Variants in PLA2G4A observed in about 807,000 individuals in gnomAD.
PLA2G4A encodes cytosolic phospholipase A2.
PLA2G4A carries 40 observed loss-of-function variants against 81.9 expected under a neutral mutation model. The ratio of observed to expected loss-of-function variants is 0.49; its 90% CI spans 0.38 to 0.64. The LOEUF is 0.64. PLA2G4A is among the 30% of genes least tolerant of loss of function. PLA2G4A has a pLI of 0.00. For synonymous variants in PLA2G4A, 302 were observed against 296.9 expected, an observed-to-expected ratio of 1.02 and a Z score of -0.18; for missense variants, 715 against 905.1, an observed-to-expected ratio of 0.79 and a Z score of 2.69.
chr1:186,979,586 C>T (rs1657650199), intron 17 of PLA2G4A, 114 bp downstream of exon 17: 1 of 721,314 alleles, frequency 1.4e-6, no homozygotes, highest in Admixed American at 2.3e-5. Flanking sequence ...TGACACCACC[C>T]AAAATATGCC....
chr1:186,906,849 G>T, intron 5 of PLA2G4A, 116 bp from the exon 6 acceptor site: 1 of 642,720 alleles, frequency 1.6e-6, no homozygotes. Context: ...TATTTTTAGG[G>T]TTTTGTTTTT....
chr1:186,906,825 A>G, intron 5 of PLA2G4A, 140 bp from the exon 6 acceptor site: 1 of 583,522 alleles, frequency 1.7e-6, no homozygotes, highest in East Asian at 2.9e-5. Context: ...GTCTTCATGG[A>G]GCTGTGTTAC....
intron 2 of PLA2G4A, 35 bp downstream of exon 2, chr1:186,854,422 A>AG: frequency 7.3e-7 from 1 of 1,361,660 alleles, no homozygotes; most frequent in Non-Finnish European, 1.1e-6. Flanking sequence ...TCTTTCTTGG[A>AG]GGGGGTCTGA....
chr1:186,846,739 T>C (rs1652189270), intron 1 of PLA2G4A, among the ~76,000 whole-genome samples: 1 of 152,204 alleles, frequency 6.6e-6, no homozygotes, highest in Non-Finnish European at 1.5e-5. Flanking sequence ...CATTTTGCTG[T>C]TTTCCATGTC....
At chr1:186,961,906 T>C (rs1656960101) in intron 14 of PLA2G4A, among the ~76,000 whole-genome samples, 1 of 152,160 alleles carries the variant, frequency 6.6e-6, no homozygotes, top group African/African-American at 2.4e-5. Context: ...AACCACAGTT[T>C]GAAAAAAATA....
intron 3 of PLA2G4A, among the ~76,000 whole-genome samples, chr1:186,882,453 C>T (rs1217343723): frequency 6.6e-6 from 1 of 152,102 alleles, no homozygotes; most frequent in East Asian, 1.9e-4. Context: ...ACTAAAAGTA[C>T]AGCAAAGATC....
intron 2 of PLA2G4A, among the ~76,000 whole-genome samples, chr1:186,866,932 C>T (rs1165904072): frequency 6.6e-6 from 1 of 152,062 alleles, no homozygotes; most frequent in Non-Finnish European, 1.5e-5. Context: ...GTTGTTCCAG[C>T]AACATTTGTT....
intron 1 of PLA2G4A, among the ~76,000 whole-genome samples, chr1:186,852,613 A>G (rs1057269328): frequency 6.6e-6 from 1 of 151,992 alleles, no homozygotes; most frequent in African/African-American, 2.4e-5. Context: ...AAAATATGGC[A>G]GAAGGCAAAA....
At chr1:186,913,876 GTTGCAGAT>G (rs1655048909) in intron 7 of PLA2G4A, among the ~76,000 whole-genome samples, 1 of 152,148 alleles carries the variant, frequency 6.6e-6, no homozygotes, top group African/African-American at 2.4e-5. Context: ...CCCACATGTG[GTTGCAGAT>G]TTGCAAATAT....
intron 10 of PLA2G4A, among the ~76,000 whole-genome samples, chr1:186,945,712 C>T (rs149286502): frequency 1.3e-5 from 2 of 152,176 alleles, no homozygotes; most frequent in East Asian, 3.9e-4. Flanking sequence ...CATTTACCAA[C>T]AAGAAGAAGA....
intron 13 of PLA2G4A, 102 bp downstream of exon 13, chr1:186,950,830 A>G (rs1656534082): frequency 1.4e-6 from 1 of 729,514 alleles, no homozygotes; most frequent in South Asian, 1.5e-5. Context: ...TCTTCACTTC[A>G]GACACGGAAG....
intron 1 of PLA2G4A, among the ~76,000 whole-genome samples, chr1:186,837,000 C>G (rs1651800535): frequency 6.6e-6 from 1 of 152,056 alleles, no homozygotes; most frequent in Admixed American, 6.6e-5. Flanking sequence ...AAGGCTCACG[C>G]TAGAGTTCCA....
chr1:186,869,085 T>TC (rs1353190001), intron 2 of PLA2G4A, among the ~76,000 whole-genome samples: 1 of 152,090 alleles, frequency 6.6e-6, no homozygotes, highest in African/African-American at 2.4e-5. Flanking sequence ...TTTAATTTGC[T>TC]CTTTTTTTTC....
chr1:186,906,892 T>C (rs1264589583), intron 5 of PLA2G4A, 73 bp from the exon 6 acceptor site: 35 of 793,064 alleles, frequency 4.4e-5, no homozygotes, highest in Non-Finnish European at 7.4e-5. Context: ...TCAAAATTTA[T>C]TTTGAGTTTG....
At chr1:186,907,110 G>C in intron 6 of PLA2G4A, 108 bp downstream of exon 6, 1 of 679,882 alleles carries the variant, frequency 1.5e-6, no homozygotes, top group Non-Finnish European at 2.7e-6. Flanking sequence ...TGAACATATA[G>C]AAGTGCATTA....
At chr1:186,892,990 G>A (rs879886787) in intron 3 of PLA2G4A, 21 bp from the exon 4 acceptor site, 5 of 1,585,276 alleles carry the variant, frequency 3.2e-6, no homozygotes, top group Non-Finnish European at 3.5e-6. Context: ...CCTCCTTCTT[G>A]TTTGTGTTTA....
chr1:186,898,717 C>T lies in PLA2G4A; in HGVS notation c.378+4506C>T, dbSNP rs144222883. Among the ~76,000 whole-genome samples, 319 of 152,176 alleles carry T rather than the reference C, an allele frequency of 2.1e-3. 3 individuals are homozygous for T. Among genetic ancestry groups the T allele is most frequent in the African/African-American group, 7.3e-3 (305 of 41,516 alleles). ...ACAGTGAACATCATATAACTGCCAC[C>T]TAGATTCTATAACTACCATTTTACC... On this transcript the variant is annotated intron_variant, in intron 5 of 17. Transcript: ENST00000367466.
intron 2 of PLA2G4A, among the ~76,000 whole-genome samples, chr1:186,866,161 C>T (rs1280098641): frequency 6.6e-6 from 1 of 152,042 alleles, no homozygotes; most frequent in East Asian, 1.9e-4. Context: ...ATCTCCTATC[C>T]AAGTTGAAAC....
At chr1:186,883,078 G>C (rs1335240686) in intron 3 of PLA2G4A, among the ~76,000 whole-genome samples, 3 of 151,918 alleles carry the variant, frequency 2.0e-5, no homozygotes, top group Non-Finnish European at 4.4e-5. Flanking sequence ...TATTGAGTTT[G>C]AGGTATCTTT....
Sources: allele counts gnomAD v4.1 joint callset (sites outside exome capture counted in the v4.1 genomes callset), GRCh38; gene constraint gnomAD v4.1.1; transcripts MANE v1.5; gene names NCBI Gene and HGNC (gene_info 2026-07-23, HGNC 2026-07-21).